Variants in PHF11 observed in about 807,000 individuals in gnomAD.
PHF11 encodes BRCA1 C-terminus-associated protein.
Under a neutral mutation model 40.5 loss-of-function variants are expected in PHF11, and 38 were observed. The ratio of observed to expected loss-of-function variants is 0.94; its 90% CI spans 0.72 to 1.23. The LOEUF is 1.23. Among genes scored for constraint, PHF11 ranks in the 50% most tolerant of loss-of-function variants. The probability of loss-of-function intolerance (pLI) is 0.00; values close to 1 mark genes in which losing one functional copy is unlikely to be tolerated. For missense variants in PHF11, 369 were observed against 392.4 expected (o/e 0.94, Z 0.50); for synonymous variants, 127 against 138.2 (o/e 0.92, Z 0.57).
chr13:49,520,965 T>C, intron 5 of PHF11, 25 bp downstream of exon 5: 4 of 1,553,142 alleles, frequency 2.6e-6, no homozygotes, highest in Admixed American at 1.8e-5. Context: ...TTTAGCACTG[T>C]GGGTTTTAAA....
chr13:49,508,846 C>T (rs548370028), intron 2 of PHF11, among the ~76,000 whole-genome samples: 1 of 152,190 alleles, frequency 6.6e-6, no homozygotes, highest in East Asian at 1.9e-4. Flanking sequence ...CCCTGTCTTG[C>T]TTCTGATATT....
chr13:49,512,267 T>C (rs1257945057), intron 2 of PHF11, among the ~76,000 whole-genome samples: 2 of 152,240 alleles, frequency 1.3e-5, no homozygotes, highest in African/African-American at 4.8e-5. Context: ...TTCTAAAATC[T>C]GGATACAAGT....
At chr13:49,517,230 C>T (rs1326184861) in intron 3 of PHF11, among the ~76,000 whole-genome samples, 1 of 152,008 alleles carries the variant, frequency 6.6e-6, no homozygotes, top group Admixed American at 6.6e-5. Context: ...TTGCTTGTGC[C>T]GACCCTGGGC....
intron 1 of PHF11, among the ~76,000 whole-genome samples, chr13:49,506,404 C>T (rs1443578380): frequency 6.6e-6 from 1 of 152,052 alleles, no homozygotes; most frequent in East Asian, 1.9e-4. Context: ...AGAAGTTATC[C>T]TCATTATTAG....
intron 8 of PHF11, chr13:49,526,184 A>AAG: frequency 6.2e-6 from 3 of 484,742 alleles, no homozygotes; most frequent in South Asian, 4.9e-5. Context: ...AAAAAAAAAA[A>AAG]AAAAAAGAAA....
intron 2 of PHF11, among the ~76,000 whole-genome samples, chr13:49,507,013 C>T (rs750566541): frequency 6.8e-6 from 1 of 147,378 alleles, no homozygotes; most frequent in African/African-American, 2.5e-5. Context: ...ACGCCATTCT[C>T]CTGCCTCAGC....
intron 7 of PHF11, 177 bp from the exon 8 acceptor site, chr13:49,523,908 G>A: frequency 2.6e-6 from 1 of 391,690 alleles, no homozygotes; most frequent in Non-Finnish European, 4.5e-6. Context: ...TGTTTCAGCT[G>A]GCCAAAAAAA....
rs1035094760 is a variant in PHF11, at chr13:49,528,745, C to A, written c.*80C>A. The A allele has an allele frequency of 8.9e-6, 9 of 1,016,374 alleles. No individual in the cohort carries two copies. Among genetic ancestry groups the A allele is most frequent in the Non-Finnish European group, 1.3e-5 (9 of 681,778 alleles). The allele number at this position is 1,016,374 out of a possible 1,614,324, so 63.0% of individuals were successfully genotyped here. ...CAGAGACCAGGCTGTGAAATCCACA[C>A]ATCTTTAGAACTAGTCGTCTCCTCT... On this transcript the variant is annotated 3_prime_UTR_variant, in exon 10 of 10. Coordinates refer to ENST00000378319, the MANE Select transcript of PHF11 (RefSeq NM_001040443.3).
intron 9 of PHF11, 85 bp from the exon 10 acceptor site, chr13:49,528,426 G>A (rs1050862263): frequency 3.2e-6 from 3 of 939,762 alleles, no homozygotes; most frequent in Non-Finnish European, 3.2e-6. Flanking sequence ...ATCTGTACCT[G>A]CAAGTGAAAG....
chr13:49,498,345 C>T lies in PHF11; in HGVS notation c.94+2250C>T, dbSNP rs370224386. Among the ~76,000 whole-genome samples the T allele has an allele frequency of 2.5e-3, 379 of 152,250 alleles. 2 individuals carry two copies. Among genetic ancestry groups the T allele is most frequent in the Admixed American group, 4.8e-3 (74 of 15,286 alleles). On this transcript the variant is annotated intron_variant, in intron 1 of 9. Transcript: ENST00000378319. Reference sequence around the variant, plus strand: ...ATTCTGACAGTAACATAGTACATTTCCGGTAGATCATTCTGACAGTAACCT... The same window carrying T: ...ATTCTGACAGTAACATAGTACATTTTCGGTAGATCATTCTGACAGTAACCT...
intron 3 of PHF11, among the ~76,000 whole-genome samples, chr13:49,517,551 C>T (rs1959167229): frequency 6.6e-6 from 1 of 152,176 alleles, no homozygotes; most frequent in African/African-American, 2.4e-5. Context: ...TCAATGGCAA[C>T]TCTGTAAGAC....
Position 49,526,425 on chromosome 13 carries a change from T to C in PHF11, c.808T>C (p.Leu270=). ...CGGGAGTGCACTTTTTGACTGTAGA[T>C]TGTTCGAAGACACATTTGTAAATTT... The part of the protein sequence containing the change: ...EIGSALFDCR[L]FEDTFVNFQA... The change falls in exon 9 of 10, where the codon TTG becomes CTG. Residue 270 remains leucine (L), a synonymous_variant. Transcript: ENST00000378319. The C allele has an allele frequency of 6.2e-7, 1 of 1,609,976 alleles. No individual in the cohort carries two copies. The highest frequency in any genetic ancestry group is 1.1e-5 in the South Asian group (1 of 91,002).
At chr13:49,523,518 A>G (rs1181305482) in intron 7 of PHF11, 7 of 444,264 alleles carry the variant, frequency 1.6e-5, no homozygotes, top group African/African-American at 1.0e-4. Context: ...GAATCCAGCA[A>G]TGTGTCACCC....
At chr13:49,509,225 T>C (rs1265647668) in intron 2 of PHF11, among the ~76,000 whole-genome samples, 1 of 151,934 alleles carries the variant, frequency 6.6e-6, no homozygotes, top group Non-Finnish European at 1.5e-5. Context: ...TTTTTTTTTT[T>C]TTTTGAGACA....
Position 49,528,439 on chromosome 13 carries a change from G to C in PHF11, c.842-72G>C, listed in dbSNP as rs1959402928. On this transcript the variant is annotated intron_variant, in intron 9 of 9. Transcript: ENST00000378319. ...GTATCTGTACCTGCAAGTGAAAGGGGCTAGAAATGGTACATTATTTCTAAT... is the reference window on the plus strand; with the variant it reads ...GTATCTGTACCTGCAAGTGAAAGGGCCTAGAAATGGTACATTATTTCTAAT... 4.6e-6 allele frequency: 5 copies of C among 1,079,156 alleles called. No individual in the cohort carries two copies. In the South Asian group the frequency reaches 7.7e-5, roughly 17 times the overall value. 66.8% of individuals were successfully genotyped at this position (1,079,156 alleles called of 1,614,324 possible).
intron 2 of PHF11, among the ~76,000 whole-genome samples, chr13:49,509,893 A>G (rs1376959780): frequency 6.6e-6 from 1 of 152,250 alleles, no homozygotes; most frequent in Non-Finnish European, 1.5e-5. Flanking sequence ...AGAACTGACT[A>G]ATACACAAGG....
At chr13:49,515,708 C>T (rs9568232) in intron 3 of PHF11, among the ~76,000 whole-genome samples, 26,575 of 151,900 alleles carry the variant, frequency 0.17, 3,811 homozygotes, top group African/African-American at 0.39. Flanking sequence ...ATCTTGTTCT[C>T]TAAAGCGAGT....
chr13:49,500,472 T>C (rs1397645555), intron 1 of PHF11, among the ~76,000 whole-genome samples: 2 of 152,196 alleles, frequency 1.3e-5, no homozygotes, highest in Non-Finnish European at 2.9e-5. Flanking sequence ...GAGAGATGCC[T>C]GTCTGTGTAA....
At chr13:49,505,322 G>A (rs1250967716) in intron 1 of PHF11, among the ~76,000 whole-genome samples, 1 of 151,822 alleles carries the variant, frequency 6.6e-6, no homozygotes, top group African/African-American at 2.4e-5. Flanking sequence ...CCAAGAAACA[G>A]AAATTAAAGA....
Sources: gnomAD v4.1 joint callset for allele counts (sites outside exome capture counted in the v4.1 genomes callset) on GRCh38, gnomAD v4.1.1 for gene constraint, MANE v1.5 for transcripts, NCBI Gene and HGNC (gene_info 2026-07-23, HGNC 2026-07-21) for gene names.